The following ANXA8 variants were observed in gnomAD, a reference collection of about 807,000 sequenced individuals.
ANXA8 encodes the protein annexin A8.
A neutral mutation model predicts 26.8 loss-of-function variants in ANXA8; 9 were observed. That is an observed-to-expected ratio of 0.34 (90% CI 0.20 to 0.59). The LOEUF (loss-of-function observed/expected upper bound fraction) is 0.59. ANXA8 is among the 20% of genes least tolerant of loss of function. The pLI, the probability that ANXA8 is intolerant of heterozygous loss-of-function variation, is 0.84. For synonymous variants in ANXA8, 39 were observed against 94.8 expected, an observed-to-expected ratio of 0.41 and a Z score of 3.42; for missense variants, 83 against 238.5, an observed-to-expected ratio of 0.35 and a Z score of 4.29.
At chr10:47,952,064 T>A in the ANXA8 span, among the ~76,000 whole-genome samples, 7 of 150,662 alleles carry the variant, frequency 4.6e-5, 1 homozygote, top group South Asian at 4.2e-4. Context: ...TCATTCACGA[T>A]GTACTTTTTT....
the ANXA8 span, among the ~76,000 whole-genome samples, chr10:47,547,316 C>T: frequency 5.0e-5 from 7 of 140,506 alleles, 1 homozygote; most frequent in South Asian, 4.6e-4. Context: ...ACTGATTATA[C>T]ACCTTCAAGA....
At chr10:47,691,100 G>A in the ANXA8 span, 5 of 1,610,900 alleles carry the variant, frequency 3.1e-6, no homozygotes, top group Admixed American at 8.4e-5. Flanking sequence ...ACCAAATTCT[G>A]GCTCTAAAGT....
At chr10:47,769,738 G>C in the ANXA8 span, among the ~76,000 whole-genome samples, 1 of 152,310 alleles carries the variant, frequency 6.6e-6, no homozygotes, top group Non-Finnish European at 1.5e-5. Context: ...GTTACCTTCT[G>C]TGGTCAATTA....
At chr10:47,651,828 A>C in the ANXA8 span, among the ~76,000 whole-genome samples, 1 of 151,818 alleles carries the variant, frequency 6.6e-6, no homozygotes. Flanking sequence ...TGGGAGGTAG[A>C]GGTTGCAGTG....
At chr10:47,553,132 G>C in the ANXA8 span, among the ~76,000 whole-genome samples, 3 of 151,948 alleles carry the variant, frequency 2.0e-5, no homozygotes, top group African/African-American at 7.3e-5. Flanking sequence ...ATATTTTACT[G>C]CCGAACTTGT....
the ANXA8 span, among the ~76,000 whole-genome samples, chr10:47,897,014 T>G: frequency 1.5e-5 from 2 of 136,946 alleles, no homozygotes; most frequent in African/African-American, 5.6e-5. Context: ...CACTGCAACC[T>G]CTGTCTCCCG....
At chr10:47,990,153 T>C in the ANXA8 span, among the ~76,000 whole-genome samples, 8 of 32,310 alleles carry the variant, frequency 2.5e-4, no homozygotes, top group African/African-American at 6.1e-4. Flanking sequence ...TGGTGTCTAC[T>C]TCATAGACTC....
the ANXA8 span, among the ~76,000 whole-genome samples, chr10:47,519,285 T>C: frequency 1.7e-5 from 2 of 120,856 alleles, no homozygotes; most frequent in Non-Finnish European, 3.4e-5. Context: ...CTGGCTAACA[T>C]GGTGAAACCC....
chr10:47,660,722 A>G, the ANXA8 span, among the ~76,000 whole-genome samples: 1 of 146,890 alleles, frequency 6.8e-6, no homozygotes, highest in Admixed American at 7.0e-5. Context: ...TTTCTATTGC[A>G]TTTGAGGTAA....
the ANXA8 span, among the ~76,000 whole-genome samples, chr10:47,650,630 C>A: frequency 1.4e-5 from 2 of 144,122 alleles, no homozygotes; most frequent in Non-Finnish European, 3.0e-5. Flanking sequence ...CATGGTGAAA[C>A]CCCGTCTCTA....
the ANXA8 span, among the ~76,000 whole-genome samples, chr10:47,755,207 G>A: frequency 2.6e-5 from 4 of 151,360 alleles, no homozygotes; most frequent in Admixed American, 1.3e-4. Context: ...CACCCCTCTC[G>A]GTCTCCCAAA....
the ANXA8 span, among the ~76,000 whole-genome samples, chr10:47,778,471 T>C: frequency 1.6e-4 from 24 of 151,292 alleles, no homozygotes; most frequent in African/African-American, 5.8e-4. Context: ...GCCGAGCGGC[T>C]GTCATTGTCA....
chr10:47,958,483 A>G, the ANXA8 span, among the ~76,000 whole-genome samples: 1 of 146,794 alleles, frequency 6.8e-6, no homozygotes, highest in African/African-American at 2.6e-5. Flanking sequence ...TGTCTCAAAA[A>G]AAAAAAAGTG....
At chr10:47,679,947 G>A in the ANXA8 span, among the ~76,000 whole-genome samples, 1 of 151,972 alleles carries the variant, frequency 6.6e-6, no homozygotes, top group Non-Finnish European at 1.5e-5. Context: ...ATGTTACAAT[G>A]AGAAGAAATA....
chr10:47,776,897 T>C, the ANXA8 span, among the ~76,000 whole-genome samples: 1 of 151,538 alleles, frequency 6.6e-6, no homozygotes, highest in Non-Finnish European at 1.5e-5. Flanking sequence ...GTTGCTTCTC[T>C]ATCCCTAGGT....
chr10:47,956,940 C>T, the ANXA8 span, among the ~76,000 whole-genome samples: 1 of 150,312 alleles, frequency 6.7e-6, no homozygotes, highest in South Asian at 2.1e-4. Flanking sequence ...ATAGTCTCTC[C>T]AAAACAAAGG....
chr10:47,516,085 G>C, the ANXA8 span, among the ~76,000 whole-genome samples: 1 of 111,152 alleles, frequency 9.0e-6, no homozygotes. Flanking sequence ...CCCAGAACTA[G>C]AATAAAAAGA....
the ANXA8 span, among the ~76,000 whole-genome samples, chr10:47,497,183 G>A: frequency 1.4e-5 from 2 of 144,558 alleles, no homozygotes; most frequent in African/African-American, 5.3e-5. Flanking sequence ...AGCCAGGCAT[G>A]GTGGTGCATG....
chr10:47,666,368 A>G, the ANXA8 span, among the ~76,000 whole-genome samples: 59 of 150,924 alleles, frequency 3.9e-4, no homozygotes, highest in African/African-American at 1.4e-3. Context: ...CAACTGTGTT[A>G]ATACTGACAG....
Sources: gnomAD v4.1 joint callset for allele counts (sites outside exome capture counted in the v4.1 genomes callset) on GRCh38, gnomAD v4.1.1 for gene constraint, MANE v1.5 for transcripts, NCBI Gene and HGNC (gene_info 2026-07-23, HGNC 2026-07-21) for gene names.